OPCML: variants seen among roughly 807,000 people sequenced by gnomAD.
The protein encoded by OPCML is opioid binding protein/cell adhesion molecule like, also known as opioid-binding protein/cell adhesion molecule.
A neutral mutation model predicts 37.8 loss-of-function variants in OPCML; 13 were observed. The observed-to-expected ratio is 0.34, with a 90% CI of 0.22 to 0.55. The LOEUF (loss-of-function observed/expected upper bound fraction) is 0.55, where lower values mean the gene tolerates loss of function less well. OPCML is among the 20% of genes least tolerant of loss of function. The probability of loss-of-function intolerance (pLI) is 0.91; values close to 1 mark genes in which losing one functional copy is unlikely to be tolerated. For synonymous variants in OPCML, 176 were observed against 168.8 expected, an observed-to-expected ratio of 1.04 and a Z score of -0.33; for missense variants, 341 against 435.6, an observed-to-expected ratio of 0.78 and a Z score of 1.93.
At chr11:132,745,187 G>T (rs181244811) in intron 2 of OPCML, among the ~76,000 whole-genome samples, 1 of 152,254 alleles carries the variant, frequency 6.6e-6, no homozygotes, top group Non-Finnish European at 1.5e-5. Flanking sequence ...GATTTCTTCA[G>T]AGCCATGCTG....
At chr11:133,516,007 G>A (rs1002002769) in intron 1 of OPCML, among the ~76,000 whole-genome samples, 4 of 151,978 alleles carry the variant, frequency 2.6e-5, no homozygotes, top group Non-Finnish European at 4.4e-5. Flanking sequence ...TCAACACAAC[G>A]CCAGCCTCAT....
chr11:133,240,027 AATG>A (rs1940665676), intron 1 of OPCML, among the ~76,000 whole-genome samples: 1 of 152,108 alleles, frequency 6.6e-6, no homozygotes, highest in Non-Finnish European at 1.5e-5. Context: ...AAATCAAGGA[AATG>A]ATGAGATTCC....
At chr11:132,547,864 T>C in intron 3 of OPCML, among the ~76,000 whole-genome samples, 1 of 152,058 alleles carries the variant, frequency 6.6e-6, no homozygotes, top group East Asian at 1.9e-4. Context: ...CGTGCATTGG[T>C]GGAAAGTGAA....
chr11:133,338,374 G>A (rs1376023899), intron 1 of OPCML, among the ~76,000 whole-genome samples: 2 of 152,214 alleles, frequency 1.3e-5, no homozygotes, highest in African/African-American at 2.4e-5. Flanking sequence ...GCGGGGTGAA[G>A]GGATGTGCCA....
intron 1 of OPCML, among the ~76,000 whole-genome samples, chr11:133,399,613 C>A (rs75298625): frequency 6.6e-6 from 1 of 152,088 alleles, no homozygotes; most frequent in East Asian, 1.9e-4. Flanking sequence ...CACATACCCC[C>A]TCTATCCACT....
intron 1 of OPCML, among the ~76,000 whole-genome samples, chr11:133,491,914 G>A (rs575736642): frequency 3.9e-5 from 6 of 152,282 alleles, no homozygotes; most frequent in Admixed American, 2.0e-4. Flanking sequence ...TCTCACTCAC[G>A]AGGCCTTTCT....
chr11:133,386,515 T>C (rs1945057781), intron 1 of OPCML, among the ~76,000 whole-genome samples: 1 of 152,136 alleles, frequency 6.6e-6, no homozygotes, highest in Non-Finnish European at 1.5e-5. Context: ...CCCCTCCTAC[T>C]CTCTTATCTT....
At chr11:132,607,216 T>A (rs1183595281) in intron 3 of OPCML, among the ~76,000 whole-genome samples, 1 of 152,220 alleles carries the variant, frequency 6.6e-6, no homozygotes, top group Non-Finnish European at 1.5e-5. Context: ...GTGGAATATC[T>A]TAAAAGTCAA....
intron 1 of OPCML, among the ~76,000 whole-genome samples, chr11:133,455,268 C>G (rs57707034): frequency 0.13 from 20,209 of 152,186 alleles, 3,200 homozygotes; most frequent in African/African-American, 0.38. Flanking sequence ...CTTCTTAGAA[C>G]AGAAAACACC....
chr11:132,596,105 C>A (rs1440007403), intron 3 of OPCML, among the ~76,000 whole-genome samples: 1 of 152,180 alleles, frequency 6.6e-6, no homozygotes, highest in African/African-American at 2.4e-5. Context: ...TGGATTTTCA[C>A]ATACATGACA....
chr11:133,200,577 A>G (rs1938731122), intron 1 of OPCML, among the ~76,000 whole-genome samples: 1 of 152,146 alleles, frequency 6.6e-6, no homozygotes, highest in Non-Finnish European at 1.5e-5. Context: ...TATCTAACCT[A>G]TAGATATAGA....
intron 1 of OPCML, among the ~76,000 whole-genome samples, chr11:133,367,322 A>C (rs1944565744): frequency 6.6e-6 from 1 of 152,100 alleles, no homozygotes; most frequent in Non-Finnish European, 1.5e-5. Flanking sequence ...ACATGGCTGC[A>C]TGTTACTCTT....
At chr11:132,567,549 A>T (rs2096426669) in intron 3 of OPCML, among the ~76,000 whole-genome samples, 1 of 152,176 alleles carries the variant, frequency 6.6e-6, no homozygotes, top group African/African-American at 2.4e-5. Context: ...AAGTAGTCAG[A>T]TATGGTTATG....
At chr11:132,687,369 C>CATATATATATAT (rs56834972) in intron 2 of OPCML, among the ~76,000 whole-genome samples, 1 of 49,390 alleles carries the variant, frequency 2.0e-5, no homozygotes, top group Non-Finnish European at 5.2e-5. Context: ...CCTTAAGCTA[C>CATATATATATAT]ATATATATAT....
intron 2 of OPCML, among the ~76,000 whole-genome samples, chr11:132,719,568 C>G (rs986114428): frequency 1.3e-5 from 2 of 152,116 alleles, no homozygotes; most frequent in Non-Finnish European, 2.9e-5. Flanking sequence ...AGGCTGCTGC[C>G]AAGGAGAACC....
At chr11:132,554,876 T>TG (rs1357417776) in intron 3 of OPCML, among the ~76,000 whole-genome samples, 1 of 136,254 alleles carries the variant, frequency 7.3e-6, no homozygotes, top group Non-Finnish European at 1.6e-5. Flanking sequence ...TTTTTTTTTT[T>TG]TTTTTTTTTT....
chr11:132,669,793 T>C (rs1212370964), intron 2 of OPCML, among the ~76,000 whole-genome samples: 2 of 152,188 alleles, frequency 1.3e-5, no homozygotes, highest in Non-Finnish European at 2.9e-5. Context: ...CCATTTTCCA[T>C]CTTTCCCAAT....
At chr11:132,502,927 G>A (rs1161572837) in intron 4 of OPCML, among the ~76,000 whole-genome samples, 4 of 152,054 alleles carry the variant, frequency 2.6e-5, no homozygotes, top group Admixed American at 6.5e-5. Flanking sequence ...AAGCAGTTTC[G>A]CATCCCTTAT....
At chr11:133,504,732 A>C (rs1947989948) in intron 1 of OPCML, among the ~76,000 whole-genome samples, 2 of 152,260 alleles carry the variant, frequency 1.3e-5, no homozygotes, top group African/African-American at 4.8e-5. Flanking sequence ...GAAATGACGA[A>C]GAGAGGAACC....
Sources: allele counts gnomAD v4.1 joint callset (sites outside exome capture counted in the v4.1 genomes callset), GRCh38; gene constraint gnomAD v4.1.1; transcripts MANE v1.5; gene names NCBI Gene and HGNC (gene_info 2026-07-23, HGNC 2026-07-21).